The following MIB1 variants were observed in gnomAD, a reference collection of about 807,000 sequenced individuals.
MIB1 encodes MIB E3 ubiquitin protein ligase 1.
MIB1 carries 278 observed loss-of-function variants against 124.5 expected under a neutral mutation model. The observed-to-expected ratio is 2.23, with a 90% CI of 2.02 to 2.47. The LOEUF (loss-of-function observed/expected upper bound fraction) is 2.47, where lower values mean the gene tolerates loss of function less well. Among genes scored for constraint, MIB1 ranks in the 30% most tolerant of loss-of-function variants. The probability of loss-of-function intolerance (pLI) is 0.00; values close to 1 mark genes in which losing one functional copy is unlikely to be tolerated. For synonymous variants in MIB1, 446 were observed against 429.4 expected (o/e 1.04, Z -0.48); for missense variants, 957 against 1,254.4 (o/e 0.76, Z 3.58).
intron 17 of MIB1, 120 bp from the exon 18 acceptor site, chr18:21,853,020 A>C: frequency 1.5e-6 from 1 of 663,458 alleles, no homozygotes; most frequent in East Asian, 2.7e-5. Context: ...GTGTGTGTTA[A>C]ATTTCTCTGT....
intron 1 of MIB1, among the ~76,000 whole-genome samples, chr18:21,717,554 AAAAC>A (rs1489430305): frequency 1.3e-5 from 2 of 152,218 alleles, no homozygotes; most frequent in Non-Finnish European, 2.9e-5. Context: ...AGCAAGAAAA[AAAAC>A]AAACAATCCC....
In MIB1 at chr18:21,849,286, T is replaced by C. The variant is rs1568226687; in HGVS notation, c.2484T>C (p.Asp828=). ...ECMVCSDMKR[D]TLFGPCGHIA... ...TGGTGTGCTCAGATATGAAGAGAGA[T>C]ACTCTTTTTGGTCCATGTGGACATA... Residue 828 remains aspartate (D), a synonymous_variant, in exon 17 of 21, where the codon GAT becomes GAC. Coordinates refer to ENST00000261537, the MANE Select transcript of MIB1 (RefSeq NM_020774.4). 6.2e-7 allele frequency: 1 copy of C among 1,612,386 alleles called. No homozygotes were observed. Among genetic ancestry groups the C allele is most frequent in the Non-Finnish European group, 8.5e-7 (1 of 1,178,632 alleles).
At position 21,858,607 on chromosome 18, in the gene MIB1, G is replaced by A. The variant is rs377443905; in HGVS notation, c.2841G>A (p.Val947=). The change falls in exon 20 of 21, where the codon GTG becomes GTA. Residue 947 remains valine, a synonymous_variant. Coordinates refer to ENST00000261537, the MANE Select transcript of MIB1 (RefSeq NM_020774.4). ...DKDNTNVNAD[V]QKLQQQLQDI... is the part of the protein sequence containing the mutation. The stretch of plus-strand genomic sequence containing the variant: ...ATAATACCAATGTCAATGCAGATGT[G>A]CAAAAGTTGCAGCAACAGTTACAAG... 33 of 1,602,122 alleles carry A rather than the reference G, an allele frequency of 2.1e-5. No individual in the cohort carries two copies. In the African/African-American group the frequency reaches 2.4e-4, roughly 12 times the overall value.
In MIB1 at chr18:21,843,266, AGAT is replaced by A. The variant is rs745935289; in HGVS notation, c.2049+50_2049+52del. 4 of 1,318,482 alleles carry A rather than the reference AGAT, an allele frequency of 3.0e-6. No individual in the cohort carries two copies. In the South Asian group the frequency reaches 5.7e-5, roughly 19 times the overall value. 81.7% of individuals were successfully genotyped at this position (1,318,482 alleles called of 1,614,324 possible). On this transcript the variant is annotated intron_variant, in intron 14 of 20. Transcript: ENST00000261537. ...GCTTATAATTACATTTTAACCATAC[AGAT>A]TTTTAGAACTTCCTGAAAATTGAAA...
chr18:21,726,697 T>G (rs1033428495), intron 1 of MIB1, among the ~76,000 whole-genome samples: 1 of 152,050 alleles, frequency 6.6e-6, no homozygotes, highest in African/African-American at 2.4e-5. Flanking sequence ...CTTCAGGGAG[T>G]GGCTATGTAG....
chr18:21,738,806 C>CAAAACAAAAAAAA (rs2040807337), upstream of MIB1, among the ~76,000 whole-genome samples: 1 of 22,102 alleles, frequency 4.5e-5, no homozygotes. Context: ...GACTCCATCT[C>CAAAACAAAAAAAA]AAAAAAAAAA....
chr18:21,860,713 A>G (rs1327080949), intron 20 of MIB1, among the ~76,000 whole-genome samples: 2 of 152,136 alleles, frequency 1.3e-5, no homozygotes, highest in Non-Finnish European at 2.9e-5. Flanking sequence ...GCGGCCCAGG[A>G]TAACTAATGA....
Position 21,832,195 on chromosome 18 carries a change from G to A in MIB1, c.1830-6170G>A, listed in dbSNP as rs1041895803. Among the ~76,000 whole-genome samples, 34 of 152,100 alleles carry A rather than the reference G, an allele frequency of 2.2e-4. 1 individual carries two copies. Among genetic ancestry groups the A allele is most frequent in the Admixed American group, 2.2e-3 (34 of 15,266 alleles). ...ATGCTTTGGTAAAAAACAGGGTCCA[G>A]TATGCTTTTGAGTAATTATACAAGT... On this transcript the variant is annotated intron_variant, in intron 12 of 20. Coordinates refer to ENST00000261537, the MANE Select transcript of MIB1 (RefSeq NM_020774.4).
chr18:21,789,543 A>G (rs1051071479), intron 6 of MIB1, among the ~76,000 whole-genome samples: 2 of 152,136 alleles, frequency 1.3e-5, no homozygotes, highest in Non-Finnish European at 2.9e-5. Flanking sequence ...AATCCCTATC[A>G]AAATCCTGGT....
chr18:21,796,857 A>G (rs982578176), intron 7 of MIB1, among the ~76,000 whole-genome samples: 13 of 152,226 alleles, frequency 8.5e-5, no homozygotes, highest in African/African-American at 2.9e-4. Flanking sequence ...CTTGCTGACT[A>G]TATACAGAGG....
intron 12 of MIB1, among the ~76,000 whole-genome samples, chr18:21,837,846 A>T (rs964894136): frequency 6.6e-6 from 1 of 152,200 alleles, no homozygotes. Context: ...GTCAGCTAAG[A>T]TGGTTCAGCA....
chr18:21,741,478 C>T lies in MIB1; in HGVS notation c.-106C>T. On this transcript the variant is annotated 5_prime_UTR_variant, in exon 1 of 21. Coordinates refer to ENST00000261537, the MANE Select transcript of MIB1 (RefSeq NM_020774.4). The surrounding 1 kb of genome is among the most constrained non-coding windows in gnomAD (Gnocchi z 5.4). The stretch of plus-strand genomic sequence containing the variant: ...ACGTCCCCCGGGGCTCGCTGCCGCC[C>T]CCGCCGACGCCTAGAGTCCGGCCCG... 1 of 684,990 alleles carries T rather than the reference C, an allele frequency of 1.5e-6. No individual in the cohort carries two copies. The highest frequency in any genetic ancestry group is 2.0e-6 in the Non-Finnish European group (1 of 501,206). The allele number at this position is 684,990 out of a possible 1,614,324, so 42.4% of individuals were successfully genotyped here. A position where few individuals can be genotyped will look rare whatever the true frequency, so the allele number is the denominator to read the frequency against.
At chr18:21,815,928 G>A in intron 11 of MIB1, 115 bp downstream of exon 11, 1 of 927,306 alleles carries the variant, frequency 1.1e-6, no homozygotes, top group Non-Finnish European at 1.6e-6. Flanking sequence ...CATAGTAAAT[G>A]ATACCAAAGG....
chr18:21,716,293 C>A (rs1437727958), intron 1 of MIB1, among the ~76,000 whole-genome samples: 4 of 152,124 alleles, frequency 2.6e-5, no homozygotes, highest in Non-Finnish European at 5.9e-5. Context: ...AAGATACAGT[C>A]TTTTTCAGAT....
At chr18:21,765,674 C>A in intron 1 of MIB1, 98 bp from the exon 2 acceptor site, 2 of 1,157,622 alleles carry the variant, frequency 1.7e-6, no homozygotes, top group Non-Finnish European at 2.4e-6. Flanking sequence ...ATTAGAATAT[C>A]TTGTAAAATG....
chr18:21,843,253 A>G (rs376279881), intron 14 of MIB1, 36 bp downstream of exon 14: 1 of 1,418,746 alleles, frequency 7.0e-7, no homozygotes. Context: ...TTATAATTAC[A>G]TTTTAACCAT....
chr18:21,761,694 A>G (rs1287273487), intron 1 of MIB1, among the ~76,000 whole-genome samples: 1 of 152,198 alleles, frequency 6.6e-6, no homozygotes, highest in African/African-American at 2.4e-5. Context: ...TTGGTCACAA[A>G]AGGCAAGGCA....
intron 6 of MIB1, among the ~76,000 whole-genome samples, chr18:21,790,528 A>G (rs544545384): frequency 6.6e-6 from 1 of 152,140 alleles, no homozygotes; most frequent in East Asian, 1.9e-4. Context: ...GCATTCTTTG[A>G]AAAAAAAGTC....
Position 21,741,828 on chromosome 18 carries a change from C to T in MIB1, c.229+16C>T, listed in dbSNP as rs771449799. ...GCGCCCACCGGTAAGCCGCGGCCAC[C>T]TGGCCAGGGCTTGCGCGCGCGGGGG... On this transcript the variant is annotated intron_variant, in intron 1 of 20. Coordinates refer to ENST00000261537, the MANE Select transcript of MIB1 (RefSeq NM_020774.4). The surrounding 1 kb of genome is among the most constrained non-coding windows in gnomAD (Gnocchi z 5.4). The T allele has an allele frequency of 6.4e-6, 10 of 1,566,906 alleles. No individual in the cohort carries two copies. The highest frequency in any genetic ancestry group is 8.6e-6 in the Non-Finnish European group (10 of 1,156,224).
Sources: gnomAD v4.1 joint callset for allele counts (sites outside exome capture counted in the v4.1 genomes callset) on GRCh38, gnomAD v4.1.1 for gene constraint, Gnocchi (gnomAD v3.1) non-coding constraint, MANE v1.5 for transcripts, NCBI Gene and HGNC (gene_info 2026-07-23, HGNC 2026-07-21) for gene names.